Variants in SEMA3A observed in about 807,000 individuals in gnomAD.
SEMA3A encodes semaphorin 3A.
Under a neutral mutation model 97.9 loss-of-function variants are expected in SEMA3A, and 29 were observed. The observed-to-expected ratio is 0.30, with a 90% CI of 0.22 to 0.40. The LOEUF is 0.40. SEMA3A is among the 10% of genes least tolerant of loss of function. SEMA3A has a pLI of 1.00. For synonymous variants in SEMA3A, 321 were observed against 323.7 expected, an observed-to-expected ratio of 0.99 and a Z score of 0.09; for missense variants, 763 against 951.3, an observed-to-expected ratio of 0.80 and a Z score of 2.60.
chr7:83,956,632 C>T lies in SEMA3A; in HGVS notation c.*4739G>A, dbSNP rs1181646301. Reference sequence around the variant, plus strand: ...GTGCCAAGGATGCGAATGTGGGGTACAAACAGAGGGCAATAAATCAAAACC... The same window carrying T: ...GTGCCAAGGATGCGAATGTGGGGTATAAACAGAGGGCAATAAATCAAAACC... On this transcript the variant is annotated 3_prime_UTR_variant, in exon 17 of 17. Transcript: ENST00000265362. 1.3e-5 allele frequency: 2 copies of T among 152,008 alleles called. No homozygotes were observed. The highest frequency in any genetic ancestry group is 4.8e-5 in the African/African-American group (2 of 41,404). The allele number at this position is 152,008 out of a possible 1,614,324, so 9.4% of individuals were successfully genotyped here.
intron 4 of SEMA3A, among the ~76,000 whole-genome samples, chr7:84,069,440 C>G (rs957848886): frequency 3.3e-5 from 5 of 152,192 alleles, no homozygotes; most frequent in Non-Finnish European, 5.9e-5. Flanking sequence ...TAAACTTATT[C>G]TGTTCTACTA....
Position 84,337,864 on chromosome 7 carries a change from C to A in SEMA3A, c.-168-30572G>T, listed in dbSNP as rs542474813. Among the ~76,000 whole-genome samples the A allele has an allele frequency of 2.6e-5, 4 of 152,078 alleles. No homozygotes were observed. The East Asian group carries it at 7.7e-4, about 29-fold the overall frequency. ...AACAAAAGCATACATAATTGCCTTG[C>A]AAGAAATGTTTCTCAACAATAAATT... On this transcript the variant is annotated intron_variant, in intron 2 of 3. Transcript: ENST00000424555.
At chr7:84,422,000 A>C (rs983423012) in intron 1 of SEMA3A, among the ~76,000 whole-genome samples, 1 of 151,954 alleles carries the variant, frequency 6.6e-6, no homozygotes, top group Non-Finnish European at 1.5e-5. Flanking sequence ...TGTCTCTGCC[A>C]GGTTTTGGCA....
intron 2 of SEMA3A, among the ~76,000 whole-genome samples, chr7:84,318,287 T>C (rs1295618190): frequency 7.9e-5 from 12 of 151,638 alleles, no homozygotes; most frequent in Non-Finnish European, 1.0e-4. Context: ...CGTTCTGTAT[T>C]TGCAACTTGT....
intron 6 of SEMA3A, among the ~76,000 whole-genome samples, chr7:84,022,442 C>G (rs1791363705): frequency 6.6e-6 from 1 of 152,086 alleles, no homozygotes; most frequent in Non-Finnish European, 1.5e-5. Flanking sequence ...CTATTTTCAG[C>G]CTGCAGATAG....
chr7:84,050,822 C>T (rs1792596486), intron 5 of SEMA3A, among the ~76,000 whole-genome samples: 1 of 151,984 alleles, frequency 6.6e-6, no homozygotes, highest in Non-Finnish European at 1.5e-5. Flanking sequence ...AGGTTTTCTT[C>T]TAGGGTTTTT....
chr7:84,439,081 C>A (rs1367856697), intron 1 of SEMA3A, among the ~76,000 whole-genome samples: 1 of 151,420 alleles, frequency 6.6e-6, no homozygotes, highest in East Asian at 1.9e-4. Flanking sequence ...CATACATTGA[C>A]TACTCTGCTA....
At chr7:84,097,720 T>G (rs1794820715) in intron 4 of SEMA3A, among the ~76,000 whole-genome samples, 1 of 152,200 alleles carries the variant, frequency 6.6e-6, no homozygotes, top group Admixed American at 6.5e-5. Flanking sequence ...CTTAAAGCTG[T>G]ATTTGGGTAG....
intron 3 of SEMA3A, among the ~76,000 whole-genome samples, chr7:84,116,129 T>G (rs1043711013): frequency 3.3e-5 from 5 of 152,142 alleles, no homozygotes; most frequent in African/African-American, 1.2e-4. Context: ...TACCCCATCT[T>G]GCCTAATATC....
At chr7:84,401,369 T>G (rs143542210) in intron 1 of SEMA3A, among the ~76,000 whole-genome samples, 2,358 of 151,760 alleles carry the variant, frequency 0.016, 67 homozygotes, top group African/African-American at 0.053. Flanking sequence ...ACACAAACAA[T>G]GGAAAAATAT....
At chr7:84,312,545 C>CAT (rs1286063052) in intron 2 of SEMA3A, among the ~76,000 whole-genome samples, 1 of 151,362 alleles carries the variant, frequency 6.6e-6, no homozygotes, top group Non-Finnish European at 1.5e-5. Flanking sequence ...TGTAAACTTT[C>CAT]ATATATATGT....
intron 3 of SEMA3A, among the ~76,000 whole-genome samples, chr7:84,296,534 G>T (rs1800875942): frequency 6.6e-6 from 1 of 152,128 alleles, no homozygotes; most frequent in Admixed American, 6.5e-5. Context: ...AGTTAGAGTA[G>T]TGTTGCTTTA....
chr7:84,176,943 C>T (rs956358598), intron 1 of SEMA3A, among the ~76,000 whole-genome samples: 2 of 151,794 alleles, frequency 1.3e-5, no homozygotes, highest in South Asian at 2.1e-4. Flanking sequence ...TATCTAGCCC[C>T]GAGCCATAAA....
chr7:84,210,902 A>T (rs1387185416), intron 3 of SEMA3A, among the ~76,000 whole-genome samples: 3 of 152,154 alleles, frequency 2.0e-5, no homozygotes, highest in Non-Finnish European at 4.4e-5. Flanking sequence ...CTGCAGGCTT[A>T]AGCATTGCAA....
At chr7:84,397,121 A>G (rs1165921762) in intron 1 of SEMA3A, among the ~76,000 whole-genome samples, 3 of 152,004 alleles carry the variant, frequency 2.0e-5, no homozygotes, top group Non-Finnish European at 4.4e-5. Context: ...ACAAAATCAC[A>G]ATGTTGAAAA....
intron 1 of SEMA3A, among the ~76,000 whole-genome samples, chr7:84,468,973 T>C (rs1806075171): frequency 6.6e-6 from 1 of 152,156 alleles, no homozygotes; most frequent in Admixed American, 6.5e-5. Context: ...TTTTTTATTT[T>C]ATTTCAGGAA....
Position 84,235,267 on chromosome 7 carries a change from T to C in SEMA3A, c.-82-40599A>G, listed in dbSNP as rs138137407. On this transcript the variant is annotated intron_variant, in intron 3 of 3. Transcript: ENST00000424555. ...ATTATATTAATAATGACAAGATATT[T>C]TTCTGTATTACTGAGTGAAATGAAA... is the stretch of plus-strand genomic sequence containing the variant. 4.9e-3 allele frequency among the ~76,000 whole-genome samples: 741 copies of C among 152,144 alleles called. 6 individuals carry two copies. Among genetic ancestry groups the C allele is most frequent in the African/African-American group, 0.017 (700 of 41,534 alleles).
intron 3 of SEMA3A, among the ~76,000 whole-genome samples, chr7:84,218,022 A>G (rs1334436093): frequency 6.6e-6 from 1 of 152,046 alleles, no homozygotes; most frequent in East Asian, 1.9e-4. Flanking sequence ...ATTCTCTCAT[A>G]CAAGGTTAAT....
intron 6 of SEMA3A, among the ~76,000 whole-genome samples, chr7:84,030,228 T>C (rs191731647): frequency 6.6e-6 from 1 of 152,304 alleles, no homozygotes; most frequent in Admixed American, 6.5e-5. Flanking sequence ...GTAATTTATA[T>C]GATTTTACTT....
Sources: allele counts gnomAD v4.1 joint callset (sites outside exome capture counted in the v4.1 genomes callset), GRCh38; gene constraint gnomAD v4.1.1; transcripts MANE v1.5; gene names NCBI Gene and HGNC (gene_info 2026-07-23, HGNC 2026-07-21).